Variants in DOCK4 observed in about 807,000 individuals in gnomAD.
DOCK4 encodes the protein dedicator of cytokinesis 4.
In DOCK4, 97 loss-of-function variants were observed where a neutral mutation model predicts 268.1. That is an observed-to-expected ratio of 0.36 (90% CI 0.31 to 0.43). The LOEUF (loss-of-function observed/expected upper bound fraction) is 0.43, where lower values mean the gene tolerates loss of function less well. Ranked by LOEUF, DOCK4 falls within the 20% of genes least tolerant of loss-of-function variation. The pLI, the probability that DOCK4 is intolerant of heterozygous loss-of-function variation, is 1.00. For missense variants in DOCK4, 2,145 were observed against 2,455.7 expected (o/e 0.87, Z 2.67); for synonymous variants, 954 against 887.2 (o/e 1.08, Z -1.34).
intron 8 of DOCK4, among the ~76,000 whole-genome samples, chr7:111,961,469 T>C (rs1001493051): frequency 6.6e-6 from 1 of 152,216 alleles, no homozygotes; most frequent in Non-Finnish European, 1.5e-5. Context: ...AGAGGTGATG[T>C]GCATTCTTAC....
chr7:111,740,110 TTTTC>T (rs749424280), intron 47 of DOCK4: 147 of 447,808 alleles, frequency 3.3e-4, no homozygotes, highest in Non-Finnish European at 6.0e-4. Context: ...TTTTTTTCTT[TTTTC>T]TTTGAGACAC....
intron 25 of DOCK4, among the ~76,000 whole-genome samples, chr7:111,837,802 T>G (rs1054716329): frequency 7.2e-5 from 11 of 151,978 alleles, no homozygotes; most frequent in African/African-American, 2.7e-4. Context: ...AGATGTCAAT[T>G]TTGGCTGGGC....
At chr7:112,114,783 T>A (rs1375481588) in intron 1 of DOCK4, among the ~76,000 whole-genome samples, 3 of 152,204 alleles carry the variant, frequency 2.0e-5, no homozygotes. Flanking sequence ...ATCACTACAG[T>A]TTGGTGCCAG....
At chr7:111,901,055 T>C (rs1791101637) in intron 14 of DOCK4, among the ~76,000 whole-genome samples, 1 of 152,208 alleles carries the variant, frequency 6.6e-6, no homozygotes, top group East Asian at 1.9e-4. Flanking sequence ...AATAATGAAA[T>C]GGCTTTAAAA....
At chr7:112,086,854 A>G (rs1428876238) in intron 1 of DOCK4, among the ~76,000 whole-genome samples, 2 of 152,156 alleles carry the variant, frequency 1.3e-5, no homozygotes, top group African/African-American at 4.8e-5. Flanking sequence ...CAGTTTACAC[A>G]GTCAGTAGCA....
chr7:112,126,470 T>C (rs1371782074), intron 1 of DOCK4, among the ~76,000 whole-genome samples: 1 of 152,158 alleles, frequency 6.6e-6, no homozygotes. Flanking sequence ...ACCAGCAGTC[T>C]CACATTGAAT....
intron 1 of DOCK4, among the ~76,000 whole-genome samples, chr7:112,148,419 T>A (rs1196074261): frequency 6.6e-6 from 1 of 152,168 alleles, no homozygotes; most frequent in East Asian, 1.9e-4. Context: ...ATAAAAATCA[T>A]GTAATTACAA....
intron 20 of DOCK4, among the ~76,000 whole-genome samples, chr7:111,870,919 A>G (rs1281418981): frequency 2.0e-5 from 3 of 152,184 alleles, no homozygotes; most frequent in African/African-American, 7.2e-5. Flanking sequence ...TGTTAGGCTG[A>G]GTGGGCCGAT....
chr7:111,936,751 G>C (rs969310699), intron 11 of DOCK4, among the ~76,000 whole-genome samples: 1 of 152,120 alleles, frequency 6.6e-6, no homozygotes, highest in Non-Finnish European at 1.5e-5. Flanking sequence ...CTCCCACAGC[G>C]CAGGTTCTGT....
At chr7:111,991,853 C>T (rs551049486) in intron 5 of DOCK4, among the ~76,000 whole-genome samples, 54 of 149,368 alleles carry the variant, frequency 3.6e-4, no homozygotes, top group African/African-American at 1.1e-3. Flanking sequence ...CCCAGCTACT[C>T]GGGAGGCTGA....
At chr7:112,111,535 A>T (rs1811653150) in intron 1 of DOCK4, among the ~76,000 whole-genome samples, 1 of 151,938 alleles carries the variant, frequency 6.6e-6, no homozygotes, top group South Asian at 2.1e-4. Context: ...TTATCTTGCC[A>T]TTTTTTTTAT....
intron 30 of DOCK4, among the ~76,000 whole-genome samples, chr7:111,799,144 G>C (rs1378639569): frequency 6.6e-6 from 1 of 152,168 alleles, no homozygotes; most frequent in Non-Finnish European, 1.5e-5. Flanking sequence ...AGAAATAAAA[G>C]AGGCCACTTC....
intron 1 of DOCK4, among the ~76,000 whole-genome samples, chr7:112,122,113 T>A (rs142870231): frequency 1.3e-5 from 2 of 152,192 alleles, no homozygotes; most frequent in Non-Finnish European, 1.5e-5. Context: ...TGCTAATAGA[T>A]CTTACCCTGT....
chr7:112,052,177 C>T (rs551814898), intron 1 of DOCK4, among the ~76,000 whole-genome samples: 38 of 152,242 alleles, frequency 2.5e-4, no homozygotes, highest in African/African-American at 8.7e-4. Flanking sequence ...AGAAAAAAGA[C>T]TGTACATGTT....
Position 112,066,666 on chromosome 7 carries a change from TATAC to T in DOCK4, c.38-62539_38-62536del, listed in dbSNP as rs1304672630. On this transcript the variant is annotated intron_variant, in intron 1 of 52. Coordinates refer to ENST00000428084, the MANE Select transcript of DOCK4 (RefSeq NM_001363540.2). Reference sequence around the variant, plus strand: ...TATACATATATACACATATTATACATATACATATACATATATACATATACATATA... The same window carrying T: ...TATACATATATACACATATTATACATATATACATATATACATATACATATA... 7.0e-3 allele frequency among the ~76,000 whole-genome samples: 246 copies of T among 35,196 alleles called. 14 individuals carry two copies. Among genetic ancestry groups the T allele is most frequent in the African/African-American group, 0.053 (229 of 4,318 alleles). 23.1% of individuals were successfully genotyped at this position (35,196 alleles called of 152,430 possible). A position where few individuals can be genotyped will look rare whatever the true frequency, so the allele number is the denominator to read the frequency against.
intron 1 of DOCK4, among the ~76,000 whole-genome samples, chr7:112,073,656 G>A (rs181945220): frequency 3.9e-5 from 6 of 152,196 alleles, no homozygotes; most frequent in African/African-American, 1.2e-4. Context: ...GTCAAGCACA[G>A]AAAGATAAAC....
At chr7:111,943,714 A>G (rs903913279) in intron 10 of DOCK4, among the ~76,000 whole-genome samples, 1 of 152,244 alleles carries the variant, frequency 6.6e-6, no homozygotes, top group African/African-American at 2.4e-5. Context: ...AAACAAAACC[A>G]AAAACTGTCT....
intron 1 of DOCK4, among the ~76,000 whole-genome samples, chr7:112,039,732 T>A (rs929436861): frequency 2.6e-5 from 4 of 152,038 alleles, no homozygotes; most frequent in Non-Finnish European, 5.9e-5. Context: ...AAAAAAAAAA[T>A]TTAATTTCAG....
At chr7:112,080,067 C>T (rs1808439922) in intron 1 of DOCK4, among the ~76,000 whole-genome samples, 1 of 151,622 alleles carries the variant, frequency 6.6e-6, no homozygotes, top group African/African-American at 2.4e-5. Context: ...ATTAGAGGAA[C>T]TAAAGTTAGA....
Sources: allele counts gnomAD v4.1 joint callset (sites outside exome capture counted in the v4.1 genomes callset), GRCh38; gene constraint gnomAD v4.1.1; transcripts MANE v1.5; gene names NCBI Gene and HGNC (gene_info 2026-07-23, HGNC 2026-07-21).